Variants in SEC11A observed in about 807,000 individuals in gnomAD.
SEC11A encodes signal peptidase complex catalytic subunit SEC11A.
A neutral mutation model predicts 25.6 loss-of-function variants in SEC11A; 14 were observed. The observed-to-expected ratio is 0.55, with a 90% CI of 0.36 to 0.85. The LOEUF is 0.85. SEC11A is among the 40% of genes least tolerant of loss of function. SEC11A has a pLI of 0.01. For synonymous variants in SEC11A, 83 were observed against 76.4 expected, an observed-to-expected ratio of 1.09 and a Z score of -0.45; for missense variants, 153 against 222.9, an observed-to-expected ratio of 0.69 and a Z score of 2.00.
At chr15:84,682,953 C>T (rs1041020584) in intron 3 of SEC11A, among the ~76,000 whole-genome samples, 2 of 151,992 alleles carry the variant, frequency 1.3e-5, no homozygotes, top group Non-Finnish European at 2.9e-5. Context: ...GGGCTAATAT[C>T]CACTTAGATT....
At chr15:84,670,564 G>T in intron 5 of SEC11A, 161 bp downstream of exon 5, 6 of 409,616 alleles carry the variant, frequency 1.5e-5, no homozygotes, top group Admixed American at 4.6e-5. Flanking sequence ...TTTTTTAATA[G>T]AGACGGGGTT....
chr15:84,690,390 A>G (rs1370257540), intron 2 of SEC11A, among the ~76,000 whole-genome samples: 1 of 152,078 alleles, frequency 6.6e-6, no homozygotes, highest in Non-Finnish European at 1.5e-5. Context: ...TCTTTCGTAA[A>G]TTGCCCAGTC....
intron 1 of SEC11A, among the ~76,000 whole-genome samples, chr15:84,707,785 AAT>A (rs1898140896): frequency 6.6e-6 from 1 of 152,190 alleles, no homozygotes; most frequent in Admixed American, 6.6e-5. Context: ...TTGTGGAGAG[AAT>A]GTTATAAAAA....
intron 1 of SEC11A, among the ~76,000 whole-genome samples, chr15:84,695,182 G>T (rs1356428826): frequency 6.6e-6 from 1 of 150,674 alleles, no homozygotes; most frequent in African/African-American, 2.4e-5. Flanking sequence ...ATATCCAGAG[G>T]CTGGGCTCGG....
chr15:84,712,775 ATACTC>A (rs1898322373), intron 1 of SEC11A, among the ~76,000 whole-genome samples: 1 of 152,150 alleles, frequency 6.6e-6, no homozygotes, highest in Non-Finnish European at 1.5e-5. Context: ...CAAAGAATAC[ATACTC>A]TATGATTCCA....
chr15:84,711,116 C>T (rs984533557), intron 1 of SEC11A, among the ~76,000 whole-genome samples: 4 of 151,074 alleles, frequency 2.6e-5, no homozygotes, highest in African/African-American at 7.3e-5. Flanking sequence ...CAGTGACTCA[C>T]ACCTATATTC....
intron 1 of SEC11A, among the ~76,000 whole-genome samples, chr15:84,699,179 G>A (rs1897850892): frequency 6.6e-6 from 1 of 151,956 alleles, no homozygotes; most frequent in South Asian, 2.1e-4. Flanking sequence ...GCCAGGCGTG[G>A]TGGCACGTGC....
chr15:84,689,609 C>CTTTTTTTT (rs11316103), intron 2 of SEC11A, among the ~76,000 whole-genome samples: 1 of 122,554 alleles, frequency 8.2e-6, no homozygotes, highest in Non-Finnish European at 1.7e-5. Context: ...TCTTTTCTTT[C>CTTTTTTTT]TTTTTTTTTT....
intron 1 of SEC11A, among the ~76,000 whole-genome samples, chr15:84,712,229 G>C (rs887902975): frequency 7.5e-6 from 1 of 134,016 alleles, no homozygotes; most frequent in African/African-American, 3.2e-5. Flanking sequence ...GCAACAGAGA[G>C]AGACCTTGTC....
chr15:84,704,288 G>C (rs67307573), intron 1 of SEC11A, among the ~76,000 whole-genome samples: 9,505 of 152,182 alleles, frequency 0.062, 382 homozygotes, highest in African/African-American at 0.088. Flanking sequence ...CTGACAGGGG[G>C]ACTTACTTTA....
intron 2 of SEC11A, among the ~76,000 whole-genome samples, chr15:84,688,884 A>G (rs1239715264): frequency 6.6e-6 from 1 of 152,142 alleles, no homozygotes; most frequent in Non-Finnish European, 1.5e-5. Flanking sequence ...TACAAAAATT[A>G]GGTGAGCATG....
At chr15:84,712,579 C>T (rs1369461683) in intron 1 of SEC11A, among the ~76,000 whole-genome samples, 1 of 151,542 alleles carries the variant, frequency 6.6e-6, no homozygotes. Context: ...TCCTGAGTAG[C>T]TGGGATTACA....
intron 1 of SEC11A, among the ~76,000 whole-genome samples, chr15:84,701,513 C>T (rs752154515): frequency 1.3e-5 from 2 of 151,680 alleles, no homozygotes; most frequent in African/African-American, 2.4e-5. Context: ...CCACTGCACT[C>T]CAGCCTGGGC....
At chr15:84,702,352 T>C (rs1026058416) in intron 1 of SEC11A, among the ~76,000 whole-genome samples, 1 of 150,764 alleles carries the variant, frequency 6.6e-6, no homozygotes, top group Non-Finnish European at 1.5e-5. Context: ...TCCCAGCTAC[T>C]CGGGAGGCTG....
intron 3 of SEC11A, chr15:84,685,962 C>A (rs1481112955): frequency 1.3e-5 from 2 of 151,906 alleles, no homozygotes; most frequent in Non-Finnish European, 2.9e-5. Context: ...ACCACCACGC[C>A]TGGCTAATTT....
chr15:84,679,698 C>A (rs1398529584), intron 4 of SEC11A, among the ~76,000 whole-genome samples: 2 of 152,168 alleles, frequency 1.3e-5, no homozygotes, highest in East Asian at 3.9e-4. Context: ...ATGCAGCCAG[C>A]CACTTACGAC....
intron 1 of SEC11A, among the ~76,000 whole-genome samples, chr15:84,709,950 C>T (rs2141926192): frequency 6.6e-6 from 1 of 152,114 alleles, no homozygotes; most frequent in Admixed American, 6.6e-5. Context: ...GCTATGTTGC[C>T]CAGACTGGTC....
chr15:84,687,821 A>G (rs534208783), intron 2 of SEC11A, 47 bp from the exon 3 acceptor site: 1 of 1,494,538 alleles, frequency 6.7e-7, no homozygotes, highest in South Asian at 1.3e-5. Context: ...GTATGAGATT[A>G]AATGTACTTT....
chr15:84,689,122 C>T (rs1007138620), intron 2 of SEC11A, among the ~76,000 whole-genome samples: 1 of 151,572 alleles, frequency 6.6e-6, no homozygotes, highest in African/African-American at 2.4e-5. Flanking sequence ...ATCATCCCAG[C>T]ACTTGGGAGG....
Sources: allele counts gnomAD v4.1 joint callset (sites outside exome capture counted in the v4.1 genomes callset), GRCh38; gene constraint gnomAD v4.1.1; transcripts MANE v1.5; gene names NCBI Gene and HGNC (gene_info 2026-07-23, HGNC 2026-07-21).